The following ITFG1 variants were observed in gnomAD, a reference collection of about 807,000 sequenced individuals.
ITFG1 encodes T-cell immunomodulatory protein.
In ITFG1, 34 loss-of-function variants were observed where a neutral mutation model predicts 81.8. That is an observed-to-expected ratio of 0.42 (90% CI 0.32 to 0.55). The LOEUF (loss-of-function observed/expected upper bound fraction) is 0.55, where lower values mean the gene tolerates loss of function less well. Among genes scored for constraint, ITFG1 ranks in the 20% least tolerant of loss-of-function variants. The pLI is 0.17. For missense variants in ITFG1, 672 were observed against 755.4 expected (o/e 0.89, Z 1.29); for synonymous variants, 285 against 270.6 (o/e 1.05, Z -0.52).
intron 6 of ITFG1, among the ~76,000 whole-genome samples, chr16:47,411,573 T>A (rs1321684231): frequency 6.6e-6 from 1 of 152,032 alleles, no homozygotes; most frequent in African/African-American, 2.4e-5. Flanking sequence ...CTTGCAGACA[T>A]ACCCTATAAC....
chr16:47,373,518 TG>T (rs1394706246), intron 7 of ITFG1, among the ~76,000 whole-genome samples: 1 of 152,182 alleles, frequency 6.6e-6, no homozygotes, highest in Non-Finnish European at 1.5e-5. Flanking sequence ...TGACCTCAGA[TG>T]ATCTGGCCGC....
At chr16:47,221,840 C>A (rs1322223029) in intron 13 of ITFG1, among the ~76,000 whole-genome samples, 1 of 152,150 alleles carries the variant, frequency 6.6e-6, no homozygotes, top group African/African-American at 2.4e-5. Flanking sequence ...GAAATTTATC[C>A]ATTTCTTCTA....
chr16:47,375,890 T>C lies in ITFG1; in HGVS notation c.706A>G (p.Ile236Val), dbSNP rs1278799258. 2 of 1,601,740 alleles carry C rather than the reference T, an allele frequency of 1.2e-6. No homozygotes were observed. Among genetic ancestry groups the C allele is most frequent in the African/African-American group, 2.7e-5 (2 of 74,658 alleles). The change falls in exon 7 of 18, where the codon ATA (isoleucine) becomes GTA (valine). Residue 236 changes from isoleucine (I) to valine (V), a missense_variant. Physicochemically the swap from Ile to Val is conservative, Grantham distance 29 (BLOSUM62 3). Coordinates refer to ENST00000320640, the MANE Select transcript of ITFG1 (RefSeq NM_030790.5). Reference sequence around the variant, plus strand: ...AGATTTCTTACCAAATTTTCCCATATTTCAAACTGGAAGGTACTAGTGGTG... The same window carrying C: ...AGATTTCTTACCAAATTTTCCCATACTTCAAACTGGAAGGTACTAGTGGTG... The part of the protein sequence containing the change: ...NATTSTFQFE[I>V]WENLDGNFSV...
rs984105590 is a variant in ITFG1 at position 47,430,270 on chromosome 16, T to C, written c.561-1372A>G. Reference sequence around the variant, plus strand: ...TAGTGGAGACAGGGTTTCACCATGTTGGCCAGACTGGTCTTGAACTCTGGA... The same window carrying C: ...TAGTGGAGACAGGGTTTCACCATGTCGGCCAGACTGGTCTTGAACTCTGGA... On this transcript the variant is annotated intron_variant, in intron 5 of 17. Coordinates refer to ENST00000320640, the MANE Select transcript of ITFG1 (RefSeq NM_030790.5). Among the ~76,000 whole-genome samples, 18 of 151,944 alleles carry C rather than the reference T, an allele frequency of 1.2e-4. No individual in the cohort carries two copies. In the South Asian group the frequency reaches 3.5e-3, roughly 30 times the overall value.
At chr16:47,163,499 C>T (rs1964840825) in intron 14 of ITFG1, among the ~76,000 whole-genome samples, 1 of 152,154 alleles carries the variant, frequency 6.6e-6, no homozygotes, top group South Asian at 2.1e-4. Context: ...AAATAATACT[C>T]CACTTTGTTA....
Position 47,311,286 on chromosome 16 carries a change from C to T in ITFG1, c.1024G>A (p.Asp342Asn). Residue 342 changes from aspartate (D) to asparagine (N), a missense_variant, in exon 10 of 18, where the codon GAT (aspartate) becomes AAT (asparagine). This residue lies in a region of ITFG1 where 560 missense variants were observed against 625.7 expected (regional missense o/e 0.90). Transcript: ENST00000320640. ...ITLHIGDYNM[D>N]GYPDALVILK... ...ATGACCAGAGCGTCTGGATAGCCAT[C>T]CATATTGTAGTCTCCAATATGAAGG... 1.2e-6 allele frequency: 2 copies of T among 1,611,668 alleles called. No individual in the cohort carries two copies. The highest frequency in any genetic ancestry group is 1.7e-4 in the Middle Eastern group (1 of 6,056).
chr16:47,258,500 A>G lies in ITFG1; in HGVS notation c.1330+132T>C, dbSNP rs1213895760. The stretch of plus-strand genomic sequence containing the variant: ...TGAAATCTGAATGGGGTCTATGTAT[A>G]TAGACAGGATGGTGCTGTACTGGTT... On this transcript the variant is annotated intron_variant, in intron 12 of 17. Coordinates refer to ENST00000320640, the MANE Select transcript of ITFG1 (RefSeq NM_030790.5). The G allele has an allele frequency of 2.4e-5, 14 of 572,374 alleles. No individual in the cohort carries two copies. In the Admixed American group the frequency reaches 5.2e-4, roughly 21 times the overall value. 35.5% of individuals were successfully genotyped at this position (572,374 alleles called of 1,614,324 possible).
At chr16:47,347,825 GGGTA>G (rs1967881500) in intron 8 of ITFG1, among the ~76,000 whole-genome samples, 1 of 152,190 alleles carries the variant, frequency 6.6e-6, no homozygotes, top group Non-Finnish European at 1.5e-5. Context: ...TCACATGGCC[GGGTA>G]CCCCTCTGAG....
intron 7 of ITFG1, among the ~76,000 whole-genome samples, chr16:47,366,817 T>TA (rs1213099185): frequency 1.3e-5 from 2 of 152,020 alleles, no homozygotes; most frequent in Non-Finnish European, 2.9e-5. Flanking sequence ...TCTGTCTGAG[T>TA]AAAAAAATGA....
chr16:47,388,281 T>C (rs562906310), intron 6 of ITFG1, among the ~76,000 whole-genome samples: 6 of 152,250 alleles, frequency 3.9e-5, no homozygotes, highest in South Asian at 4.2e-4. Context: ...AAGAAAAATT[T>C]GAAGAAATAA....
intron 14 of ITFG1, among the ~76,000 whole-genome samples, chr16:47,211,766 G>C (rs1965563719): frequency 6.6e-6 from 1 of 152,088 alleles, no homozygotes; most frequent in African/African-American, 2.4e-5. Flanking sequence ...ATATGACCAT[G>C]TGGTTTGTTT....
chr16:47,185,060 A>G (rs1300162994), intron 14 of ITFG1, among the ~76,000 whole-genome samples: 1 of 151,708 alleles, frequency 6.6e-6, no homozygotes, highest in African/African-American at 2.4e-5. Flanking sequence ...AAAGGGATCA[A>G]TTCAACAAGA....
intron 6 of ITFG1, among the ~76,000 whole-genome samples, chr16:47,398,590 C>T (rs115964774): frequency 6.6e-6 from 1 of 152,222 alleles, no homozygotes; most frequent in African/African-American, 2.4e-5. Context: ...AAATATTAAA[C>T]TTGATTTAAG....
rs897933153 is a variant in ITFG1 at position 47,415,099 on chromosome 16, C to T, written c.655+13705G>A. ...GGATATTAATGTTCCCATGTGTCTG[C>T]AGTTTCAACCATAAAAATCTTCATT... is the stretch of plus-strand genomic sequence containing the variant. On this transcript the variant is annotated intron_variant, in intron 6 of 17. Coordinates refer to ENST00000320640, the MANE Select transcript of ITFG1 (RefSeq NM_030790.5). 3.9e-5 allele frequency among the ~76,000 whole-genome samples: 6 copies of T among 152,200 alleles called. No homozygotes were observed. In the South Asian group the frequency reaches 8.3e-4, roughly 21 times the overall value.
At chr16:47,415,011 C>T (rs1291083902) in intron 6 of ITFG1, among the ~76,000 whole-genome samples, 1 of 152,114 alleles carries the variant, frequency 6.6e-6, no homozygotes, top group Non-Finnish European at 1.5e-5. Flanking sequence ...GCATGAATAT[C>T]CCATCCATTG....
chr16:47,349,643 CAGATCAATGAG>C (rs1464730317), intron 8 of ITFG1, among the ~76,000 whole-genome samples: 1 of 152,120 alleles, frequency 6.6e-6, no homozygotes, highest in Non-Finnish European at 1.5e-5. Context: ...CAATGTTAAA[CAGATCAATGAG>C]AGAGAAAGTT....
At chr16:47,232,761 C>A (rs1318328751) in intron 13 of ITFG1, among the ~76,000 whole-genome samples, 2 of 151,886 alleles carry the variant, frequency 1.3e-5, no homozygotes, top group Non-Finnish European at 2.9e-5. Flanking sequence ...TCCACCTCAG[C>A]CTCCCGGGTA....
At chr16:47,300,192 C>T (rs1967054428) in intron 10 of ITFG1, among the ~76,000 whole-genome samples, 1 of 152,188 alleles carries the variant, frequency 6.6e-6, no homozygotes, top group African/African-American at 2.4e-5. Flanking sequence ...AGTTCCTGGC[C>T]CACTCTGGTC....
At chr16:47,411,377 T>C (rs374196739) in intron 6 of ITFG1, among the ~76,000 whole-genome samples, 50 of 151,998 alleles carry the variant, frequency 3.3e-4, no homozygotes, top group Admixed American at 3.0e-3. Context: ...AACTAGCTGG[T>C]TGGGGCAGAT....
Sources: allele counts gnomAD v4.1 joint callset (sites outside exome capture counted in the v4.1 genomes callset), GRCh38; gene constraint gnomAD v4.1.1; regional missense constraint gnomAD v4.1.1; transcripts MANE v1.5; gene names NCBI Gene and HGNC (gene_info 2026-07-23, HGNC 2026-07-21).